Variants in CCDC187 observed in about 807,000 individuals in gnomAD.
The protein encoded by CCDC187 is coiled-coil domain-containing protein 187.
In CCDC187, 32 loss-of-function variants were observed where a neutral mutation model predicts 38.0. The observed-to-expected ratio is 0.84, with a 90% confidence interval of 0.64 to 1.13. The LOEUF (loss-of-function observed/expected upper bound fraction) is 1.13, where lower values mean the gene tolerates loss of function less well. CCDC187 is among the 50% of genes most tolerant of loss of function. The pLI, the probability that CCDC187 is intolerant of heterozygous loss-of-function variation, is 0.00. For synonymous variants in CCDC187, 333 were observed against 347.9 expected (o/e 0.96, Z 0.48); for missense variants, 707 against 786.8 (o/e 0.90, Z 1.21).
At position 136,254,216 on chromosome 9, in the gene CCDC187, C is replaced by T. The variant is rs868931623; in HGVS notation, c.5612G>A (p.Gly1871Asp). 3 of 985,506 alleles carry T rather than the reference C, an allele frequency of 3.0e-6. No homozygotes were observed. The highest frequency in any genetic ancestry group is 1.0e-3 in the Middle Eastern group (2 of 1,914). The allele number at this position is 985,506 out of a possible 1,614,324, so 61.0% of individuals were successfully genotyped here. Residue 1871 changes from glycine (G) to aspartate (D), a missense_variant, in exon 26 of 26, where the codon GGT becomes GAT. Gly to Asp is a moderately conservative substitution (Grantham distance 94). Transcript: ENST00000638797. ...EALQAPPEAA[G>D]VVFPLQISSA... Reference sequence around the variant, plus strand: ...AGAGATTTGCAGCGGGAACACCACACCGGCGGCCTCAGGGGGTGCCTGGAG... The same window carrying T: ...AGAGATTTGCAGCGGGAACACCACATCGGCGGCCTCAGGGGGTGCCTGGAG...
chr9:136,304,853 C>A (rs1471905154), upstream of CCDC187, among the ~76,000 whole-genome samples: 1 of 152,228 alleles, frequency 6.6e-6, no homozygotes, highest in Non-Finnish European at 1.5e-5. Context: ...TGACCCTTCC[C>A]AAGTGGCCCC....
intron 9 of CCDC187, among the ~76,000 whole-genome samples, chr9:136,283,071 A>G (rs1256183898): frequency 1.3e-5 from 2 of 152,182 alleles, no homozygotes; most frequent in Non-Finnish European, 2.9e-5. Flanking sequence ...CAATATGGTG[A>G]AACCCCGTCT....
At chr9:136,280,163 G>A (rs960875610) in intron 10 of CCDC187, among the ~76,000 whole-genome samples, 73 of 152,380 alleles carry the variant, frequency 4.8e-4, no homozygotes, top group Non-Finnish European at 8.2e-4. Context: ...TGCGCTTTCT[G>A]CCTCTTCCTG....
At chr9:136,293,908 A>G (rs1831455286) in intron 4 of CCDC187, among the ~76,000 whole-genome samples, 1 of 149,254 alleles carries the variant, frequency 6.7e-6, no homozygotes, top group Non-Finnish European at 1.5e-5. Flanking sequence ...ACACACACTC[A>G]TACACTCATA....
chr9:136,291,711 T>G, intron 5 of CCDC187, 66 bp from the exon 6 acceptor site: 1 of 398,490 alleles, frequency 2.5e-6, no homozygotes, highest in East Asian at 3.6e-5. Flanking sequence ...AGCTCCTCCA[T>G]CCGGGCTGGA....
At chr9:136,283,392 CCAGCCCCT>C (rs1831092831) in intron 9 of CCDC187, among the ~76,000 whole-genome samples, 1 of 152,254 alleles carries the variant, frequency 6.6e-6, no homozygotes, top group Admixed American at 6.5e-5. Context: ...CCCTGAAGCT[CCAGCCCCT>C]CAAGTGGTGA....
chr9:136,297,397 G>A (rs943783108), intron 4 of CCDC187, among the ~76,000 whole-genome samples: 309 of 152,240 alleles, frequency 2.0e-3, no homozygotes, highest in African/African-American at 4.2e-3. Flanking sequence ...TCTTAGACTC[G>A]CCCAGTCTCT....
Sources: gnomAD v4.1 joint callset for allele counts (sites outside exome capture counted in the v4.1 genomes callset) on GRCh38, gnomAD v4.1.1 for gene constraint, MANE v1.5 for transcripts, NCBI Gene and HGNC (gene_info 2026-07-23, HGNC 2026-07-21) for gene names.